The following MCF2L variants were observed in gnomAD, a reference collection of about 807,000 sequenced individuals.
MCF2L encodes MCF.2 cell line derived transforming sequence like, also known as guanine nucleotide exchange factor DBS.
In MCF2L, 97 loss-of-function variants were observed where a neutral mutation model predicts 153.4. The ratio of observed to expected loss-of-function variants is 0.63; its 90% CI spans 0.54 to 0.75. The LOEUF (loss-of-function observed/expected upper bound fraction) is 0.75. MCF2L is among the 30% of genes least tolerant of loss of function. The probability of loss-of-function intolerance (pLI) is 0.00; values close to 1 mark genes in which losing one functional copy is unlikely to be tolerated. For missense variants in MCF2L, 1,347 were observed against 1,495.2 expected (o/e 0.90, Z 1.64); for synonymous variants, 659 against 632.2 (o/e 1.04, Z -0.64).
At chr13:113,084,835 C>G in intron 18 of MCF2L, 57 bp from the exon 19 acceptor site, 1 of 1,342,544 alleles carries the variant, frequency 7.4e-7, no homozygotes, top group Non-Finnish European at 1.1e-6. Flanking sequence ...CGTCCCTCAC[C>G]GCGTGATGCG....
upstream of MCF2L, among the ~76,000 whole-genome samples, chr13:112,968,145 G>GGGT (rs1555355463): frequency 1.1e-4 from 16 of 148,718 alleles, 1 homozygote; most frequent in South Asian, 2.2e-4. Flanking sequence ...AGTGAGGTGG[G>GGGT]GGGGGGGGTC....
chr13:113,096,574 C>G lies in MCF2L; in HGVS notation c.3213C>G (p.Gly1071=), dbSNP rs539217467. 1 of 1,604,572 alleles carries G rather than the reference C, an allele frequency of 6.2e-7. No individual in the cohort carries two copies. The highest frequency in any genetic ancestry group is 1.3e-5 in the African/African-American group (1 of 74,876). Residue 1071 remains glycine (G), a synonymous_variant, in exon 29 of 30, where the codon GGC becomes GGG. Transcript: ENST00000535094. ...GLWYVRDPTT[G]KEGWVPASSL... is the part of the protein sequence containing the mutation. ...GGTACGTCAGGGACCCGACCACTGGCAAGGAGGGCTGGGTGCCGGCCAGCA... is the reference window on the plus strand; with the variant it reads ...GGTACGTCAGGGACCCGACCACTGGGAAGGAGGGCTGGGTGCCGGCCAGCA...
intron 2 of MCF2L, among the ~76,000 whole-genome samples, chr13:112,944,266 G>C (rs1265297207): frequency 2.6e-5 from 4 of 152,040 alleles, no homozygotes; most frequent in Non-Finnish European, 5.9e-5. Context: ...GGAGGGTCCC[G>C]GGTGAAGAGC....
chr13:112,925,966 A>G (rs1021135699), intron 2 of MCF2L, among the ~76,000 whole-genome samples: 2 of 152,264 alleles, frequency 1.3e-5, no homozygotes, highest in Non-Finnish European at 2.9e-5. Context: ...TGGTTTCTAA[A>G]GTAAAGAATA....
At chr13:112,962,166 T>C (rs36132420) in intron 2 of MCF2L, among the ~76,000 whole-genome samples, 97,476 of 149,234 alleles carry the variant, frequency 0.65, 32,166 homozygotes, top group Non-Finnish European at 0.71. Context: ...CACCTGTGCA[T>C]GCACAGATGC....
intron 1 of MCF2L, among the ~76,000 whole-genome samples, chr13:112,986,517 A>AC (rs1379547508): frequency 3.3e-5 from 5 of 152,136 alleles, no homozygotes; most frequent in Admixed American, 2.0e-4. Context: ...CCCTCGGAGG[A>AC]CCCACCGCAC....
rs547594528 is a variant in MCF2L, at chr13:112,972,657, A to C, written c.79+3199A>C. Among the ~76,000 whole-genome samples, 411 of 133,580 alleles carry C rather than the reference A, an allele frequency of 3.1e-3. 4 individuals are homozygous for C. Among genetic ancestry groups the C allele is most frequent in the Non-Finnish European group, 5.0e-3 (314 of 63,414 alleles). The allele number at this position is 133,580 out of a possible 152,430, so 87.6% of individuals were successfully genotyped here. On this transcript the variant is annotated intron_variant, in intron 1 of 29. Coordinates refer to ENST00000535094, the MANE Select transcript of MCF2L (RefSeq NM_001112732.3). ...GAATGAGTTGGTAGATAGATGGATG[A>C]GTGGATATATGTATGTAAGGTAGAT... is the stretch of plus-strand genomic sequence containing the variant.
intron 3 of MCF2L, among the ~76,000 whole-genome samples, chr13:113,039,289 A>G (rs1287661538): frequency 2.6e-5 from 4 of 152,228 alleles, no homozygotes; most frequent in Non-Finnish European, 5.9e-5. Context: ...GCCTCACACC[A>G]TATACAAAAG....
intron 2 of MCF2L, among the ~76,000 whole-genome samples, chr13:113,020,110 G>T (rs1182965661): frequency 2.6e-5 from 4 of 152,200 alleles, no homozygotes; most frequent in Non-Finnish European, 5.9e-5. Context: ...CCTTCTTGAT[G>T]TCATCTCCAC....
chr13:112,909,309 C>T (rs751779249), intron 2 of MCF2L: 16 of 779,730 alleles, frequency 2.1e-5, no homozygotes, highest in Non-Finnish European at 3.6e-5. Flanking sequence ...GGGAGGCACT[C>T]GGCAGTGTGA....
chr13:113,093,361 C>T (rs1595037389), intron 26 of MCF2L, among the ~76,000 whole-genome samples: 2 of 152,256 alleles, frequency 1.3e-5, no homozygotes, highest in Admixed American at 6.5e-5. Flanking sequence ...AGGCAAAGCA[C>T]CCGGGTGGGG....
intron 3 of MCF2L, among the ~76,000 whole-genome samples, chr13:113,041,761 AG>A (rs1453043142): frequency 1.3e-5 from 2 of 151,590 alleles, no homozygotes; most frequent in Admixed American, 6.6e-5. Flanking sequence ...GGCCCTGCAT[AG>A]GGGGCAAGGT....
In MCF2L at chr13:113,075,004, G is replaced by A. The variant is rs146112954; in HGVS notation, c.1123G>A (p.Val375Met). ...TCTGGGTGGCCGTCCACAGGTGGCC[G>A]TGGAGAGGGCCCGGGCCCTGTCTCT... Reference protein sequence around the residue: ...ASFEEKSGVAVERARALSLDG... With the variant: ...ASFEEKSGVAMERARALSLDG... Residue 375 changes from valine to methionine, a missense_variant, in exon 11 of 30, where the codon GTG (valine) becomes ATG (methionine). Physicochemically the swap from Val to Met is conservative, Grantham distance 21. This residue lies in a region of MCF2L where 820 missense variants were observed against 921.2 expected (regional missense o/e 0.89). Coordinates refer to ENST00000535094, the MANE Select transcript of MCF2L (RefSeq NM_001112732.3). The A allele has an allele frequency of 7.1e-5, 114 of 1,598,776 alleles. No individual in the cohort carries two copies. The highest frequency in any genetic ancestry group is 7.2e-5 in the Non-Finnish European group (84 of 1,168,888).
At chr13:112,900,391 C>T (rs1162365325) in intron 1 of MCF2L, among the ~76,000 whole-genome samples, 1 of 152,220 alleles carries the variant, frequency 6.6e-6, no homozygotes, top group South Asian at 2.1e-4. Flanking sequence ...GCGCAGGCAG[C>T]CTCGTGGCAG....
In MCF2L at chr13:113,064,758, T is replaced by G; in HGVS notation, c.607-178T>G. 1 of 644,428 alleles carries G rather than the reference T, an allele frequency of 1.6e-6. No homozygotes were observed. Among genetic ancestry groups the G allele is most frequent in the Non-Finnish European group, 2.6e-6 (1 of 379,044 alleles). 39.9% of individuals were successfully genotyped at this position (644,428 alleles called of 1,614,324 possible). On this transcript the variant is annotated intron_variant, in intron 6 of 29. Coordinates refer to ENST00000535094, the MANE Select transcript of MCF2L (RefSeq NM_001112732.3). The surrounding 1 kb of genome is among the most constrained non-coding windows in gnomAD (Gnocchi z 6.0). ...GCACACGTGTAGAGTGTGCCTGGTA[T>G]GTTTCTGAAGAGGTCAAGGAGGGCA...
rs1357073644 is a variant in MCF2L at position 112,969,869 on chromosome 13, G to A, written c.79+411G>A. Among the ~76,000 whole-genome samples, 2 of 152,188 alleles carry A rather than the reference G, an allele frequency of 1.3e-5. No individual in the cohort carries two copies. The highest frequency in any genetic ancestry group is 4.8e-5 in the African/African-American group (2 of 41,452). On this transcript the variant is annotated intron_variant, in intron 1 of 29. Coordinates refer to ENST00000535094, the MANE Select transcript of MCF2L (RefSeq NM_001112732.3). This position sits in a 1 kb window ranked among gnomAD's most constrained non-coding sequence, Gnocchi z 4.8. ...GGATGGTGAAGCTACCTGGAAGCTC[G>A]TTTTGAGGATGAAAAAACCTGGACT...
intron 3 of MCF2L, among the ~76,000 whole-genome samples, chr13:113,029,798 C>T (rs1035958485): frequency 6.6e-6 from 1 of 152,166 alleles, no homozygotes; most frequent in African/African-American, 2.4e-5. Context: ...TTCCCCAGCA[C>T]GCAGTTTCCA....
intron 2 of MCF2L, among the ~76,000 whole-genome samples, chr13:112,936,279 CA>C (rs34826552): frequency 0.31 from 23,135 of 74,304 alleles, 1,246 homozygotes; most frequent in East Asian, 0.49. Context: ...GACTCTGTCT[CA>C]AAAAAAAAAA....
intron 2 of MCF2L, among the ~76,000 whole-genome samples, chr13:112,945,020 A>G (rs1433173075): frequency 2.9e-5 from 2 of 68,796 alleles, no homozygotes; most frequent in South Asian, 5.6e-4. Flanking sequence ...TTTTTTTTGT[A>G]TAAAACATTT....
Sources: gnomAD v4.1 joint callset for allele counts (sites outside exome capture counted in the v4.1 genomes callset) on GRCh38, gnomAD v4.1.1 for gene constraint, gnomAD v4.1.1 regional missense constraint, Gnocchi (gnomAD v3.1) non-coding constraint, MANE v1.5 for transcripts, NCBI Gene and HGNC (gene_info 2026-07-23, HGNC 2026-07-21) for gene names.